Variants in BLOC1S3 observed in about 807,000 individuals in gnomAD.
BLOC1S3 encodes biogenesis of lysosome-related organelles complex 1 subunit 3.
A neutral mutation model predicts 9.1 loss-of-function variants in BLOC1S3; 7 were observed. The ratio of observed to expected loss-of-function variants is 0.77; its 90% CI spans 0.44 to 1.45. The LOEUF is 1.45. Ranked by LOEUF, BLOC1S3 falls within the 40% of genes most tolerant of loss-of-function variation. The pLI is 0.01. For missense variants in BLOC1S3, 307 were observed against 315.2 expected, an observed-to-expected ratio of 0.97 and a Z score of 0.20; for synonymous variants, 145 against 158.4, an observed-to-expected ratio of 0.92 and a Z score of 0.64.
At chr19:45,205,582 T>G (rs751688169) in intron 3 of BLOC1S3, among the ~76,000 whole-genome samples, 7 of 152,192 alleles carry the variant, frequency 4.6e-5, no homozygotes, top group Non-Finnish European at 8.8e-5. Flanking sequence ...TTTGTGACCC[T>G]AGATGATGCA....
Position 45,179,348 on chromosome 19 carries a change from G to T in BLOC1S3, c.52G>T (p.Val18Leu). The change falls in exon 2 of 2, where the codon GTG becomes TTG. Residue 18 changes from valine (V) to leucine (L), a missense_variant. Physicochemically the swap from Val to Leu is conservative, Grantham distance 32. Transcript: ENST00000433642. The surrounding 1 kb of genome is among the most constrained non-coding windows in gnomAD (Gnocchi z 4.6). ...GCCCCTGCGGAGGCCGGAGACGGTG[G>T]TGCCGGGGGAGGCGACCGAGACGGA... ...RRPLRRPETV[V>L]PGEATETDSE... 6.3e-7 allele frequency: 1 copy of T among 1,587,262 alleles called. No homozygotes were observed. The highest frequency in any genetic ancestry group is 8.5e-7 in the Non-Finnish European group (1 of 1,175,104).
chr19:45,213,342 T>G (rs1969799360), intron 3 of BLOC1S3: 3 of 1,613,402 alleles, frequency 1.9e-6, no homozygotes, highest in Non-Finnish European at 2.5e-6. Flanking sequence ...CGAGGAGGGC[T>G]GCCACGTGCT....
At chr19:45,215,321 A>G (rs1408903954) in intron 3 of BLOC1S3, among the ~76,000 whole-genome samples, 1 of 152,032 alleles carries the variant, frequency 6.6e-6, no homozygotes, top group Non-Finnish European at 1.5e-5. Flanking sequence ...AATACAAAAA[A>G]TTAGCTGGGC....
At chr19:45,188,740 T>C (rs1248670139) in intron 2 of BLOC1S3, among the ~76,000 whole-genome samples, 1 of 151,870 alleles carries the variant, frequency 6.6e-6, no homozygotes, top group African/African-American at 2.4e-5. Context: ...GCCTGGCTAA[T>C]TTTTTATATT....
intron 3 of BLOC1S3, among the ~76,000 whole-genome samples, chr19:45,214,116 C>G (rs1403291516): frequency 6.6e-6 from 1 of 152,092 alleles, no homozygotes; most frequent in Non-Finnish European, 1.5e-5. Context: ...TATTCAAGTT[C>G]AGAAACTCCA....
At chr19:45,189,751 G>A (rs1350756249) in intron 2 of BLOC1S3, among the ~76,000 whole-genome samples, 1 of 151,896 alleles carries the variant, frequency 6.6e-6, no homozygotes, top group Non-Finnish European at 1.5e-5. Context: ...TCTTCTTTGG[G>A]TTAAATCTGC....
intron 3 of BLOC1S3, chr19:45,213,083 G>C: frequency 6.6e-7 from 1 of 1,506,378 alleles, no homozygotes; most frequent in Non-Finnish European, 8.8e-7. Flanking sequence ...CGCTGGGCCC[G>C]AGGTCGCGCT....
intron 2 of BLOC1S3, among the ~76,000 whole-genome samples, chr19:45,194,961 C>T (rs542720254): frequency 2.9e-5 from 4 of 139,864 alleles, no homozygotes; most frequent in Non-Finnish European, 4.6e-5. Flanking sequence ...GATGGAGTTT[C>T]GCTCTTGTTG....
In BLOC1S3 at chr19:45,191,139, T is replaced by C. The variant is rs556162284; in HGVS notation, n.180+3399T>C. On this transcript the variant is annotated intron_variant and non_coding_transcript_variant, in intron 2 of 3. Coordinates refer to the BLOC1S3 transcript ENST00000591569. ...TTTTATTTTATTTTTTTATTTTTTT[T>C]GAGACAGAGTTTTGCTCTTGTTGCC... Among the ~76,000 whole-genome samples, 16 of 151,306 alleles carry C rather than the reference T, an allele frequency of 1.1e-4. 1 individual carries two copies. The highest frequency in any genetic ancestry group is 3.9e-4 in the African/African-American group (16 of 41,194).
chr19:45,199,690 G>GTTCTCTTCTGTTCTC (rs996760502), intron 2 of BLOC1S3, among the ~76,000 whole-genome samples: 13 of 143,976 alleles, frequency 9.0e-5, no homozygotes, highest in Admixed American at 8.7e-4. Flanking sequence ...CTTCTCTTCT[G>GTTCTCTTCTGTTCTC]TTCTCTTCTG....
At position 45,181,658 on chromosome 19, in the gene BLOC1S3, C is replaced by T. The variant is rs1969523406; in HGVS notation, c.*1753C>T. The T allele has an allele frequency of 6.0e-6, 1 of 167,122 alleles. No individual in the cohort carries two copies. Among genetic ancestry groups the T allele is most frequent in the African/African-American group, 2.4e-5 (1 of 41,442 alleles). 10.4% of individuals were successfully genotyped at this position (167,122 alleles called of 1,614,324 possible). On this transcript the variant is annotated 3_prime_UTR_variant, in exon 2 of 2. Transcript: ENST00000433642. ...TTTCTTCCGATCCCAGCTCTGGTCC[C>T]TCAGCCGCATTCATATTTACTCTCC...
intron 2 of BLOC1S3, among the ~76,000 whole-genome samples, chr19:45,196,825 T>C (rs12985510): frequency 2.0e-5 from 3 of 149,540 alleles, no homozygotes; most frequent in Non-Finnish European, 4.4e-5. Context: ...GGCGTGAACC[T>C]GGGAGGCAGA....
chr19:45,179,594 C>A lies in BLOC1S3; in HGVS notation c.298C>A (p.Pro100Thr). The A allele has an allele frequency of 1.4e-6, 2 of 1,477,392 alleles. No homozygotes were observed. The highest frequency in any genetic ancestry group is 1.8e-6 in the Non-Finnish European group (2 of 1,120,748). The allele number at this position is 1,477,392 out of a possible 1,614,324, so 91.5% of individuals were successfully genotyped here. ...AEEAWGTEEAPAPAPARSLLQ... is the reference protein window; with the variant it reads ...AEEAWGTEEATAPAPARSLLQ... The stretch of plus-strand genomic sequence containing the variant: ...GGAGGCCTGGGGCACGGAGGAGGCC[C>A]CGGCGCCCGCCCCCGCGCGCTCGCT... Residue 100 changes from proline (P) to threonine (T), a missense_variant, in exon 2 of 2, where the codon CCG becomes ACG. Physicochemically the swap from Pro to Thr is conservative, Grantham distance 38 (BLOSUM62 -1). Transcript: ENST00000433642. This position sits in a 1 kb window ranked among gnomAD's most constrained non-coding sequence, Gnocchi z 4.6.
chr19:45,209,569 C>T (rs558158386), intron 3 of BLOC1S3, among the ~76,000 whole-genome samples: 49 of 152,166 alleles, frequency 3.2e-4, no homozygotes, highest in African/African-American at 1.2e-3. Context: ...CTACAGGCGC[C>T]TGCCACTACG....
chr19:45,198,255 C>G (rs1969663951), intron 2 of BLOC1S3, among the ~76,000 whole-genome samples: 1 of 152,126 alleles, frequency 6.6e-6, no homozygotes, highest in Non-Finnish European at 1.5e-5. Context: ...TTGGCCAACT[C>G]TAACTTAGAA....
At position 45,179,506 on chromosome 19, in the gene BLOC1S3, G is replaced by GCCGGAA. The variant is rs1283247013; in HGVS notation, c.214_219dup (p.Glu72_Pro73dup). The GCCGGAA allele has an allele frequency of 2.6e-6, 4 of 1,523,722 alleles. No individual in the cohort carries two copies. In the Admixed American group the frequency reaches 6.0e-5, roughly 23 times the overall value. 94.4% of individuals were successfully genotyped at this position (1,523,722 alleles called of 1,614,324 possible). ...AGACCGACTCGGAGCCGGAGCCGGA[G>GCCGGAA]CCGGAACCGACGGCCGCGCCGAGGG... On this transcript the variant is annotated inframe_insertion, in exon 2 of 2. Coordinates refer to ENST00000433642, the MANE Select transcript of BLOC1S3 (RefSeq NM_212550.5). This position sits in a 1 kb window ranked among gnomAD's most constrained non-coding sequence, Gnocchi z 4.6.
At chr19:45,216,471 C>G (rs1392025271) in intron 3 of BLOC1S3, among the ~76,000 whole-genome samples, 2 of 152,002 alleles carry the variant, frequency 1.3e-5, no homozygotes, top group Non-Finnish European at 2.9e-5. Flanking sequence ...CCCAACTACT[C>G]AGGAGGCTGA....
intron 3 of BLOC1S3, among the ~76,000 whole-genome samples, chr19:45,210,286 TAAC>T (rs1969758433): frequency 6.9e-6 from 1 of 145,500 alleles, no homozygotes; most frequent in South Asian, 2.1e-4. Flanking sequence ...TTTACTATTT[TAAC>T]TTTTTTTTTT....
At chr19:45,186,948 C>T (rs1432242630), upstream of BLOC1S3, among the ~76,000 whole-genome samples, 1 of 152,198 alleles carries the variant, frequency 6.6e-6, no homozygotes, top group African/African-American at 2.4e-5. Context: ...ATGGGCAGTG[C>T]CTATAGCAAC....
Sources: gnomAD v4.1 joint callset for allele counts (sites outside exome capture counted in the v4.1 genomes callset) on GRCh38, gnomAD v4.1.1 for gene constraint, Gnocchi (gnomAD v3.1) non-coding constraint, MANE v1.5 for transcripts, NCBI Gene and HGNC (gene_info 2026-07-23, HGNC 2026-07-21) for gene names.